MAP3K21: variants seen among roughly 807,000 people sequenced by gnomAD.
The protein encoded by MAP3K21 is mitogen-activated protein kinase kinase kinase MLK4.
A neutral mutation model predicts 86.1 loss-of-function variants in MAP3K21; 63 were observed. The ratio of observed to expected loss-of-function variants is 0.73; its 90% confidence interval spans 0.60 to 0.90. The LOEUF (loss-of-function observed/expected upper bound fraction) is 0.90, where lower values mean the gene tolerates loss of function less well. Among genes scored for constraint, MAP3K21 ranks in the 40% least tolerant of loss-of-function variants. The pLI, the probability that MAP3K21 is intolerant of heterozygous loss-of-function variation, is 0.00. For synonymous variants in MAP3K21, 558 were observed against 564.8 expected (o/e 0.99, Z 0.17); for missense variants, 1,220 against 1,367.7 (o/e 0.89, Z 1.70).
chr1:233,343,360 C>T (rs913199613), intron 1 of MAP3K21, among the ~76,000 whole-genome samples: 15 of 152,160 alleles, frequency 9.9e-5, no homozygotes, highest in African/African-American at 3.6e-4. Context: ...CACATGTATT[C>T]ATTTACTCCT....
At chr1:233,334,076 AG>A (rs1246780017) in intron 1 of MAP3K21, among the ~76,000 whole-genome samples, 7 of 151,710 alleles carry the variant, frequency 4.6e-5, no homozygotes, top group Non-Finnish European at 7.4e-5. Flanking sequence ...CGTGTTAGCC[AG>A]GATGGTCTTG....
At position 233,376,471 on chromosome 1, in the gene MAP3K21, T is replaced by A. The variant is rs756742008; in HGVS notation, c.1868T>A (p.Ile623Asn). The A allele has an allele frequency of 5.6e-6, 9 of 1,613,796 alleles. No homozygotes were observed. The East Asian group carries it at 1.8e-4, about 32-fold the overall frequency. The change falls in exon 8 of 10, where the codon ATC (isoleucine) becomes AAC (asparagine). Residue 623 changes from isoleucine (I) to asparagine (N), a missense_variant. By Grantham distance (149) the Ile-to-Asn change is moderately radical (BLOSUM62 -3). This residue lies in a region of MAP3K21 where 632 missense variants were observed against 691.3 expected (regional missense o/e 0.91). Coordinates refer to ENST00000366624, the MANE Select transcript of MAP3K21 (RefSeq NM_032435.3). The part of the protein sequence containing the change: ...LSDGNSPWST[I>N]LIKNQKTMPL... ...GATGGCAACAGTCCTTGGTCAACTATCTTAATAAAAAATCAGAAAACCATG... is the reference window on the plus strand; with the variant it reads ...GATGGCAACAGTCCTTGGTCAACTAACTTAATAAAAAATCAGAAAACCATG...
intron 2 of MAP3K21, among the ~76,000 whole-genome samples, chr1:233,349,114 A>G (rs1572244813): frequency 6.6e-6 from 1 of 152,328 alleles, no homozygotes; most frequent in East Asian, 1.9e-4. Flanking sequence ...GAAAAATACA[A>G]GTGCTTGAGC....
chr1:233,333,204 A>G (rs1294299), intron 1 of MAP3K21, among the ~76,000 whole-genome samples: 118,921 of 152,144 alleles, frequency 0.78, 46,597 homozygotes, highest in East Asian at 0.93. Flanking sequence ...TACTAATTTC[A>G]CTATTATCAG....
At chr1:233,363,702 C>CA (rs532871020) in intron 5 of MAP3K21, among the ~76,000 whole-genome samples, 24,760 of 90,138 alleles carry the variant, frequency 0.27, 2,379 homozygotes, top group East Asian at 0.55. Flanking sequence ...AACTCTGTCT[C>CA]AAAAAAAAAA....
intron 4 of MAP3K21, among the ~76,000 whole-genome samples, chr1:233,358,934 C>T (rs1044279125): frequency 1.4e-4 from 22 of 152,060 alleles, no homozygotes; most frequent in Admixed American, 1.2e-3. Flanking sequence ...CTCAGCCTCC[C>T]GAGTAGCTGG....
chr1:233,377,380 G>A (rs1354725837), intron 8 of MAP3K21, among the ~76,000 whole-genome samples: 1 of 152,190 alleles, frequency 6.6e-6, no homozygotes, highest in Non-Finnish European at 1.5e-5. Flanking sequence ...CAATGTAAAT[G>A]TATTGAATTT....
At chr1:233,367,796 T>C (rs1210546816) in intron 5 of MAP3K21, among the ~76,000 whole-genome samples, 1 of 151,540 alleles carries the variant, frequency 6.6e-6, no homozygotes, top group Non-Finnish European at 1.5e-5. Flanking sequence ...AGAGGCAAGG[T>C]TGCAGTGAGC....
In MAP3K21 at chr1:233,376,515, G is replaced by C; in HGVS notation, c.1912G>C (p.Val638Leu). Residue 638 changes from valine to leucine, a missense_variant, in exon 8 of 10, where the codon GTG (valine) becomes CTG (leucine). Val to Leu is a conservative substitution (Grantham distance 32, BLOSUM62 1). This residue lies in a region of MAP3K21 where 632 missense variants were observed against 691.3 expected (regional missense o/e 0.91). Transcript: ENST00000366624. Reference protein sequence around the residue: ...QKTMPLASLFVDQPGSCEEPK... With the variant: ...QKTMPLASLFLDQPGSCEEPK... ...AACCATGCCCTTGGCTTCATTGTTT[G>C]TGGACCAGCCAGGTAAATGTGTTTC... 2 of 1,611,722 alleles carry C rather than the reference G, an allele frequency of 1.2e-6. No homozygotes were observed. The highest frequency in any genetic ancestry group is 1.7e-6 in the Non-Finnish European group (2 of 1,178,092).
At chr1:233,350,206 G>A (rs918440112) in intron 2 of MAP3K21, among the ~76,000 whole-genome samples, 5 of 151,816 alleles carry the variant, frequency 3.3e-5, no homozygotes, top group Non-Finnish European at 5.9e-5. Flanking sequence ...AATGGCTGTC[G>A]TTCTGTATTG....
intron 1 of MAP3K21, among the ~76,000 whole-genome samples, chr1:233,338,362 T>C (rs967860042): frequency 4.6e-5 from 7 of 152,338 alleles, no homozygotes; most frequent in Admixed American, 1.3e-4. Context: ...TGGTATTGTG[T>C]AGTGAACAAA....
At chr1:233,349,675 A>G (rs1663212111) in intron 2 of MAP3K21, among the ~76,000 whole-genome samples, 1 of 152,236 alleles carries the variant, frequency 6.6e-6, no homozygotes, top group Non-Finnish European at 1.5e-5. Context: ...ATGGTGGCTC[A>G]TGCCTGTAAT....
intron 4 of MAP3K21, among the ~76,000 whole-genome samples, chr1:233,355,869 T>G (rs10910135): frequency 0.42 from 63,987 of 151,978 alleles, 14,854 homozygotes; most frequent in East Asian, 0.69. Context: ...GTGCAGCCTT[T>G]CTTCCCTCAT....
chr1:233,361,216 T>C (rs1472152466), intron 4 of MAP3K21, among the ~76,000 whole-genome samples: 1 of 152,228 alleles, frequency 6.6e-6, no homozygotes, highest in Non-Finnish European at 1.5e-5. Flanking sequence ...CTAATAGGAA[T>C]AAAAGTATTT....
Position 233,379,558 on chromosome 1 carries a change from T to C in MAP3K21, c.2552T>C (p.Leu851Pro). Residue 851 changes from leucine (L) to proline (P), a missense_variant, in exon 9 of 10, where the codon CTC (leucine) becomes CCC (proline). Leu to Pro is a moderately conservative substitution (Grantham distance 98). This residue lies in a region of MAP3K21 where 632 missense variants were observed against 691.3 expected (regional missense o/e 0.91). Transcript: ENST00000366624. ...TAPGSGREPA[L>P]MPRLDTDCSV... Reference sequence around the variant, plus strand: ...CCAGGAAGTGGTCGTGAGCCAGCCCTCATGCCAAGACTTGACACTGATTGT... The same window carrying C: ...CCAGGAAGTGGTCGTGAGCCAGCCCCCATGCCAAGACTTGACACTGATTGT... The C allele has an allele frequency of 1.9e-6, 3 of 1,614,210 alleles. 1 individual carries two copies. In the South Asian group the frequency reaches 3.3e-5, roughly 18 times the overall value.
At position 233,328,529 on chromosome 1, in the gene MAP3K21, C is replaced by T. The variant is rs760260263; in HGVS notation, c.501C>T (p.Ser167=). The T allele has an allele frequency of 1.4e-5, 22 of 1,530,778 alleles. No homozygotes were observed. The highest frequency in any genetic ancestry group is 1.9e-5 in the Non-Finnish European group (22 of 1,149,832). 94.8% of individuals were successfully genotyped at this position (1,530,778 alleles called of 1,614,324 possible). A position where few individuals can be genotyped will look rare whatever the true frequency, so the allele number is the denominator to read the frequency against. Residue 167 remains serine (S), a synonymous_variant, in exon 1 of 10, where the codon AGC becomes AGT. Coordinates refer to ENST00000366624, the MANE Select transcript of MAP3K21 (RefSeq NM_032435.3). This position sits in a 1 kb window ranked among gnomAD's most constrained non-coding sequence, Gnocchi z 8.7. ...AGGACGCGGCGGCGGCTGCCGAGAG[C>T]GTGCGGCGCGAGGCTCGGCTCTTCG... is the stretch of plus-strand genomic sequence containing the variant. ...PEQDAAAAAE[S]VRREARLFAM...
At position 233,369,220 on chromosome 1, in the gene MAP3K21, CAAAAAAA is replaced by C. The variant is rs35461412; in HGVS notation, c.1553-2804_1553-2798del. Among the ~76,000 whole-genome samples the C allele has an allele frequency of 1.0e-4, 11 of 105,592 alleles. 1 individual carries two copies. In the East Asian group the frequency reaches 1.5e-3, roughly 14 times the overall value. The allele number at this position is 105,592 out of a possible 152,430, so 69.3% of individuals were successfully genotyped here. A position where few individuals can be genotyped will look rare whatever the true frequency, so the allele number is the denominator to read the frequency against. On this transcript the variant is annotated intron_variant, in intron 5 of 9. Transcript: ENST00000366624. ...GTGAAACCCCGTCTCTAGTAAAATA[CAAAAAAA>C]AAAAAAAAAAAAATTAGCCAGGTGT... is the stretch of plus-strand genomic sequence containing the variant.
At chr1:233,351,872 C>G (rs942119431) in intron 2 of MAP3K21, among the ~76,000 whole-genome samples, 1 of 151,962 alleles carries the variant, frequency 6.6e-6, no homozygotes, top group African/African-American at 2.4e-5. Context: ...ATGACTGTTC[C>G]TTTTAATTAA....
rs1352106188 is a variant in MAP3K21 at position 233,327,964 on chromosome 1, C to G, written c.-65C>G. On this transcript the variant is annotated 5_prime_UTR_variant, in exon 1 of 10. Transcript: ENST00000366624. ...GACGGCCACACCGCCGGACGATGCG[C>G]GCCCGCGGCCGCCCGGGAGGCTGAG... 8.2e-7 allele frequency: 1 copy of G among 1,213,894 alleles called. No individual in the cohort carries two copies. Among genetic ancestry groups the G allele is most frequent in the Non-Finnish European group, 1.0e-6 (1 of 972,946 alleles). The allele number at this position is 1,213,894 out of a possible 1,614,324, so 75.2% of individuals were successfully genotyped here.
Sources: allele counts gnomAD v4.1 joint callset (sites outside exome capture counted in the v4.1 genomes callset), GRCh38; gene constraint gnomAD v4.1.1; regional missense constraint gnomAD v4.1.1; non-coding constraint Gnocchi (gnomAD v3.1); transcripts MANE v1.5; gene names NCBI Gene and HGNC (gene_info 2026-07-23, HGNC 2026-07-21).